The following GOLPH3L variants were observed in gnomAD, a reference collection of about 807,000 sequenced individuals.
GOLPH3L encodes the protein golgi phosphoprotein 3 like.
GOLPH3L carries 22 observed loss-of-function variants against 30.3 expected under a neutral mutation model. The ratio of observed to expected loss-of-function variants is 0.73; its 90% confidence interval spans 0.52 to 1.04. The LOEUF is 1.04. Among genes scored for constraint, GOLPH3L ranks in the 50% least tolerant of loss-of-function variants. The pLI, the probability that GOLPH3L is intolerant of heterozygous loss-of-function variation, is 0.00. For missense variants in GOLPH3L, 303 were observed against 345.8 expected, an observed-to-expected ratio of 0.88 and a Z score of 0.98; for synonymous variants, 120 against 128.2, an observed-to-expected ratio of 0.94 and a Z score of 0.43.
intron 2 of GOLPH3L, among the ~76,000 whole-genome samples, chr1:150,689,972 G>A (rs1057110566): frequency 6.6e-6 from 1 of 151,032 alleles, no homozygotes. Flanking sequence ...GTCTGTGGTA[G>A]TTACCCCTCA....
intron 2 of GOLPH3L, among the ~76,000 whole-genome samples, chr1:150,681,754 A>G (rs899262870): frequency 3.3e-5 from 5 of 152,202 alleles, no homozygotes; most frequent in Admixed American, 1.3e-4. Flanking sequence ...ATGTCTGATT[A>G]TAATCAATTT....
chr1:150,694,921 T>A, intron 1 of GOLPH3L, 71 bp from the exon 2 acceptor site: 1 of 766,662 alleles, frequency 1.3e-6, no homozygotes, highest in Non-Finnish European at 2.2e-6. Flanking sequence ...CATACATGCA[T>A]ACTAAACATC....
Position 150,694,644 on chromosome 1 carries a change from T to C in GOLPH3L, c.183+12A>G. 6.4e-7 allele frequency: 1 copy of C among 1,552,432 alleles called. No individual in the cohort carries two copies. The highest frequency in any genetic ancestry group is 8.8e-7 in the Non-Finnish European group (1 of 1,140,252). Reference sequence around the variant, plus strand: ...AGTCTTTGAGATAGCCTAGCAAACCTAACTGCATTACCTCTTTATCTTTTA... The same window carrying C: ...AGTCTTTGAGATAGCCTAGCAAACCCAACTGCATTACCTCTTTATCTTTTA... On this transcript the variant is annotated intron_variant, in intron 2 of 4. Transcript: ENST00000271732.
intron 2 of GOLPH3L, among the ~76,000 whole-genome samples, chr1:150,668,489 C>T (rs1291582230): frequency 1.3e-5 from 2 of 152,084 alleles, no homozygotes; most frequent in Non-Finnish European, 2.9e-5. Flanking sequence ...TTCAAGCAAT[C>T]CTCTCACCTC....
chr1:150,683,783 ACAT>A (rs1172719133), intron 2 of GOLPH3L, among the ~76,000 whole-genome samples: 3 of 151,200 alleles, frequency 2.0e-5, no homozygotes, highest in Non-Finnish European at 2.9e-5. Context: ...AAAAAAAATC[ACAT>A]CATTAGACAA....
chr1:150,669,574 C>T lies in GOLPH3L; in HGVS notation c.184-5811G>A, dbSNP rs587678778. ...AGGCTATCTAAAGAAAATTTTAGGA[C>T]CTACCCAACACAGATGGAATTGCAC... On this transcript the variant is annotated intron_variant, in intron 2 of 4. Transcript: ENST00000271732. Among the ~76,000 whole-genome samples, 3 of 152,270 alleles carry T rather than the reference C, an allele frequency of 2.0e-5. No individual in the cohort carries two copies. In the East Asian group the frequency reaches 5.8e-4, roughly 29 times the overall value.
intron 2 of GOLPH3L, among the ~76,000 whole-genome samples, chr1:150,665,451 C>T (rs941131649): frequency 6.6e-6 from 1 of 151,972 alleles, no homozygotes; most frequent in Non-Finnish European, 1.5e-5. Flanking sequence ...CTCAGCCTCC[C>T]AAGTAGCTCA....
chr1:150,657,375 A>C (rs1650263201), intron 4 of GOLPH3L, among the ~76,000 whole-genome samples: 1 of 152,246 alleles, frequency 6.6e-6, no homozygotes, highest in Non-Finnish European at 1.5e-5. Flanking sequence ...CATTACCTGG[A>C]AAGAAGCTAA....
In GOLPH3L at chr1:150,691,054, G is replaced by A. The variant is rs1279307693; in HGVS notation, c.183+3602C>T. On this transcript the variant is annotated intron_variant, in intron 2 of 4. Transcript: ENST00000271732. ...CACGCTTGTAATCCCAGCACTTTGG[G>A]AGGCCAAGGCAGGTGGATCACTTGA... is the stretch of plus-strand genomic sequence containing the variant. Among the ~76,000 whole-genome samples the A allele has an allele frequency of 2.0e-5, 3 of 152,176 alleles. No homozygotes were observed. In the East Asian group the frequency reaches 5.8e-4, roughly 29 times the overall value.
intron 2 of GOLPH3L, among the ~76,000 whole-genome samples, chr1:150,683,725 AAAAAAAAAG>A (rs1260624536): frequency 0.026 from 1,992 of 77,674 alleles, 199 homozygotes; most frequent in African/African-American, 0.035. Flanking sequence ...AAAAAAAAAA[AAAAAAAAAG>A]AGAGATACTC....
intron 2 of GOLPH3L, among the ~76,000 whole-genome samples, chr1:150,688,665 C>T (rs746200940): frequency 1.3e-5 from 2 of 152,084 alleles, no homozygotes; most frequent in East Asian, 1.9e-4. Context: ...GAAGCAGAAT[C>T]GCTTGAATCC....
intron 3 of GOLPH3L, among the ~76,000 whole-genome samples, chr1:150,663,035 C>T (rs1650405466): frequency 7.6e-6 from 1 of 132,152 alleles, no homozygotes. Context: ...TACTCTATTT[C>T]GTAATTTTTT....
At chr1:150,670,706 T>C (rs587692357) in intron 2 of GOLPH3L, among the ~76,000 whole-genome samples, 4 of 152,354 alleles carry the variant, frequency 2.6e-5, no homozygotes, top group Admixed American at 6.5e-5. Flanking sequence ...GGTACTTTTC[T>C]AGATTTTTAT....
At chr1:150,689,623 A>T (rs937363046) in intron 2 of GOLPH3L, among the ~76,000 whole-genome samples, 2 of 152,168 alleles carry the variant, frequency 1.3e-5, no homozygotes, top group African/African-American at 4.8e-5. Flanking sequence ...TTTTCATAAG[A>T]CAATGATACT....
intron 4 of GOLPH3L, among the ~76,000 whole-genome samples, chr1:150,651,651 A>G (rs1208908057): frequency 1.3e-5 from 2 of 151,164 alleles, no homozygotes; most frequent in African/African-American, 4.8e-5. Flanking sequence ...TCAAAAAAAA[A>G]AAAAAAAAAA....
rs397981524 is a variant in GOLPH3L, at chr1:150,683,699, C to CAAAAAAAA, written c.183+10949_183+10956dup. Among the ~76,000 whole-genome samples, 13 of 14,966 alleles carry CAAAAAAAA rather than the reference C, an allele frequency of 8.7e-4. 2 individuals are homozygous for CAAAAAAAA. The highest frequency in any genetic ancestry group is 1.2e-3 in the African/African-American group (6 of 4,916). 9.8% of individuals were successfully genotyped at this position (14,966 alleles called of 152,430 possible). A position where few individuals can be genotyped will look rare whatever the true frequency, so the allele number is the denominator to read the frequency against. On this transcript the variant is annotated intron_variant, in intron 2 of 4. Transcript: ENST00000271732. ...TGGGTGACAGAGCGAGACTCTCTCT[C>CAAAAAAAA]AAAAAAAAAAAAAAAAAAAAAAAAA...
intron 2 of GOLPH3L, among the ~76,000 whole-genome samples, chr1:150,674,095 T>C (rs1650711140): frequency 6.6e-6 from 1 of 151,962 alleles, no homozygotes; most frequent in African/African-American, 2.4e-5. Flanking sequence ...TTAAAATCCA[T>C]CCCCAAAACA....
At chr1:150,666,662 G>A (rs973610262) in intron 2 of GOLPH3L, among the ~76,000 whole-genome samples, 2 of 151,978 alleles carry the variant, frequency 1.3e-5, no homozygotes, top group Admixed American at 6.6e-5. Flanking sequence ...AAAAATATCC[G>A]GCTTCCTATT....
In GOLPH3L at chr1:150,648,468, A is replaced by G. The variant is rs1255746372; in HGVS notation, c.711T>C (p.Asn237=). 1 of 1,614,080 alleles carries G rather than the reference A, an allele frequency of 6.2e-7. No individual in the cohort carries two copies. Among genetic ancestry groups the G allele is most frequent in the Admixed American group, 1.7e-5 (1 of 60,016 alleles). The change falls in exon 5 of 5, where the codon AAT becomes AAC. Residue 237 remains asparagine (N), a synonymous_variant. Transcript: ENST00000271732. ...VLAHSSDVLE[N]VFSSLTDDKY... is the part of the protein sequence containing the mutation. ...TGTCATCTGTCAGAGAGGAGAAGAC[A>G]TTCTCTAGCACATCAGAGGAGTGGG... is the stretch of plus-strand genomic sequence containing the variant.
Sources: gnomAD v4.1 joint callset for allele counts (sites outside exome capture counted in the v4.1 genomes callset) on GRCh38, gnomAD v4.1.1 for gene constraint, MANE v1.5 for transcripts, NCBI Gene and HGNC (gene_info 2026-07-23, HGNC 2026-07-21) for gene names.